Variants in GLDN observed in about 807,000 individuals in gnomAD.
The protein encoded by GLDN is gliomedin.
In GLDN, 47 loss-of-function variants were observed where a neutral mutation model predicts 56.5. That is an observed-to-expected ratio of 0.83 (90% CI 0.66 to 1.06). The LOEUF is 1.06. Among genes scored for constraint, GLDN ranks in the 50% least tolerant of loss-of-function variants. The pLI, the probability that GLDN is intolerant of heterozygous loss-of-function variation, is 0.00. For synonymous variants in GLDN, 332 were observed against 278.8 expected (o/e 1.19, Z -1.90); for missense variants, 782 against 714.3 (o/e 1.09, Z -1.08).
At position 51,400,163 on chromosome 15, in the gene GLDN, G is replaced by T. The variant is rs16964341; in HGVS notation, c.818-29G>T. 7,765 of 1,599,206 alleles carry T rather than the reference G, an allele frequency of 4.9e-3. 324 individuals carry two copies. The African/African-American group carries it at 0.094, about 19-fold the overall frequency. ...CAAATCTCACTGTGCCAACCGTATC[G>T]GCTCTGATGATTATTGTTGTCATTT... On this transcript the variant is annotated intron_variant, in intron 6 of 9. Transcript: ENST00000335449.
intron 4 of GLDN, among the ~76,000 whole-genome samples, chr15:51,391,977 C>A (rs1223490995): frequency 6.6e-6 from 1 of 152,154 alleles, no homozygotes; most frequent in African/African-American, 2.4e-5. Flanking sequence ...TGAAATCTAG[C>A]AAATTGTTTT....
intron 6 of GLDN, among the ~76,000 whole-genome samples, chr15:51,399,686 G>C (rs144029431): frequency 6.6e-6 from 1 of 152,122 alleles, no homozygotes; most frequent in Non-Finnish European, 1.5e-5. Context: ...CCTCTAAATC[G>C]GTGTTTCCCT....
At chr15:51,354,164 GAA>G (rs1468046223) in intron 1 of GLDN, among the ~76,000 whole-genome samples, 1 of 152,184 alleles carries the variant, frequency 6.6e-6, no homozygotes, top group Non-Finnish European at 1.5e-5. Context: ...CTGCCACCCA[GAA>G]AAAGTCTGTG....
intron 4 of GLDN, among the ~76,000 whole-genome samples, chr15:51,390,169 T>C (rs1433424908): frequency 1.3e-5 from 2 of 152,226 alleles, no homozygotes; most frequent in Non-Finnish European, 2.9e-5. Context: ...AATAATAGTA[T>C]TAACCTCATA....
At chr15:51,400,831 T>C (rs1439569648) in intron 8 of GLDN, among the ~76,000 whole-genome samples, 6 of 152,176 alleles carry the variant, frequency 3.9e-5, no homozygotes. Flanking sequence ...ATGTCAGAGA[T>C]GAAATCCTTG....
chr15:51,353,920 T>G (rs1262299117), intron 1 of GLDN, among the ~76,000 whole-genome samples: 2 of 152,184 alleles, frequency 1.3e-5, no homozygotes, highest in Non-Finnish European at 2.9e-5. Flanking sequence ...AAGCTGAAGC[T>G]TTTAGGTTGT....
chr15:51,400,640 C>T, intron 8 of GLDN, 142 bp downstream of exon 8: 2 of 976,744 alleles, frequency 2.0e-6, no homozygotes, highest in South Asian at 3.2e-5. Flanking sequence ...TTAGAAAGAC[C>T]AATAAGTGGG....
intron 6 of GLDN, among the ~76,000 whole-genome samples, chr15:51,399,715 G>A (rs898330989): frequency 6.6e-6 from 1 of 152,178 alleles, no homozygotes; most frequent in African/African-American, 2.4e-5. Context: ...TCTCTCCCAG[G>A]AAGATGCTGC....
At chr15:51,353,169 A>C (rs745576948) in intron 1 of GLDN, among the ~76,000 whole-genome samples, 1 of 152,290 alleles carries the variant, frequency 6.6e-6, no homozygotes, top group Non-Finnish European at 1.5e-5. Context: ...CAGACTTGGC[A>C]TAAGAGGAGA....
intron 2 of GLDN, among the ~76,000 whole-genome samples, chr15:51,381,398 T>G (rs2141096039): frequency 6.6e-6 from 1 of 152,244 alleles, no homozygotes; most frequent in East Asian, 1.9e-4. Context: ...CCTCACCCCC[T>G]TCCCAGTACG....
In GLDN at chr15:51,404,791, G is replaced by C; in HGVS notation, c.*37G>C. The C allele has an allele frequency of 9.3e-7, 1 of 1,078,682 alleles. No individual in the cohort carries two copies. The highest frequency in any genetic ancestry group is 2.4e-5 in the East Asian group (1 of 42,092). 66.8% of individuals were successfully genotyped at this position (1,078,682 alleles called of 1,614,324 possible). On this transcript the variant is annotated 3_prime_UTR_variant, in exon 10 of 10. Coordinates refer to ENST00000335449, the MANE Select transcript of GLDN (RefSeq NM_181789.4). Reference sequence around the variant, plus strand: ...CGGCTCCCTTCAGCAAATTTCAGGGGTTTTCTGGGACCAGTTCTCCCCCAA... The same window carrying C: ...CGGCTCCCTTCAGCAAATTTCAGGGCTTTTCTGGGACCAGTTCTCCCCCAA...
At position 51,383,476 on chromosome 15, in the gene GLDN, G is replaced by A. The variant is rs770507462; in HGVS notation, c.433+23G>A. ...CAGGTAAGAGCCCATGGATTTTCTA[G>A]TTCAAGGGGAGGCTGTGGGTGGCCA... On this transcript the variant is annotated intron_variant, in intron 3 of 9. Coordinates refer to ENST00000335449, the MANE Select transcript of GLDN (RefSeq NM_181789.4). 9.9e-6 allele frequency: 16 copies of A among 1,613,456 alleles called. No homozygotes were observed. The South Asian group carries it at 1.2e-4, about 12-fold the overall frequency.
At chr15:51,364,136 A>AT (rs2037356324) in intron 1 of GLDN, among the ~76,000 whole-genome samples, 1 of 151,816 alleles carries the variant, frequency 6.6e-6, no homozygotes, top group Non-Finnish European at 1.5e-5. Flanking sequence ...TGAATTTTGG[A>AT]ATTTTTTTTG....
intron 1 of GLDN, chr15:51,351,223 G>T: frequency 4.4e-6 from 1 of 225,360 alleles, no homozygotes; most frequent in Non-Finnish European, 9.2e-6. Context: ...GTTGCCCACG[G>T]TGGACTGGAA....
intron 4 of GLDN, chr15:51,384,990 G>A (rs976219359): frequency 5.3e-5 from 8 of 152,128 alleles, no homozygotes; most frequent in Non-Finnish European, 8.8e-5. Flanking sequence ...AAAAATTGTC[G>A]AGCACCTCTG....
At chr15:51,383,753 G>A (rs999589452) in intron 3 of GLDN, 32 bp from the exon 4 acceptor site, 2 of 1,402,928 alleles carry the variant, frequency 1.4e-6, no homozygotes, top group African/African-American at 1.5e-5. Context: ...TTTTTTTTTG[G>A]TTAATGTCCC....
chr15:51,383,317 C>A, intron 2 of GLDN, 119 bp from the exon 3 acceptor site: 1 of 1,048,626 alleles, frequency 9.5e-7, no homozygotes, highest in Non-Finnish European at 1.4e-6. Flanking sequence ...GTTCTAAATA[C>A]AAGGTGTCAA....
chr15:51,388,245 TTTG>T (rs747491951), intron 4 of GLDN, among the ~76,000 whole-genome samples: 1 of 152,214 alleles, frequency 6.6e-6, no homozygotes, highest in Non-Finnish European at 1.5e-5. Context: ...ATGGTGATTA[TTTG>T]TTGTTGTACT....
Position 51,407,470 on chromosome 15 carries a change from T to C in GLDN, c.*2716T>C, listed in dbSNP as rs1227050781. The C allele has an allele frequency of 6.6e-6, 1 of 152,204 alleles. No homozygotes were observed. Among genetic ancestry groups the C allele is most frequent in the Admixed American group, 6.5e-5 (1 of 15,280 alleles). 9.4% of individuals were successfully genotyped at this position (152,204 alleles called of 1,614,324 possible). A position where few individuals can be genotyped will look rare whatever the true frequency, so the allele number is the denominator to read the frequency against. On this transcript the variant is annotated 3_prime_UTR_variant, in exon 10 of 10. Transcript: ENST00000335449. ...CTGATGTCAGAATCAAACCAGATAATTCTCTAATTCTTCTTTAATCTAAAG... is the reference window on the plus strand; with the variant it reads ...CTGATGTCAGAATCAAACCAGATAACTCTCTAATTCTTCTTTAATCTAAAG...
Sources: allele counts gnomAD v4.1 joint callset (sites outside exome capture counted in the v4.1 genomes callset), GRCh38; gene constraint gnomAD v4.1.1; transcripts MANE v1.5; gene names NCBI Gene and HGNC (gene_info 2026-07-23, HGNC 2026-07-21).